Variants in SAMTOR observed in about 807,000 individuals in gnomAD.
The protein encoded by SAMTOR is S-adenosylmethionine sensor upstream of mTORC1.
the SAMTOR span, among the ~76,000 whole-genome samples, chr7:112,878,000 T>C: frequency 2.6e-5 from 4 of 152,068 alleles, no homozygotes; most frequent in Admixed American, 2.6e-4. Flanking sequence ...AATTATCCGG[T>C]CTCAGGTTAT....
the SAMTOR span, chr7:112,939,756 A>AGCC: frequency 0.01 from 16,624 of 1,586,086 alleles, 97 homozygotes; most frequent in Non-Finnish European, 0.012. Context: ...TCCATATCGC[A>AGCC]GCCGCCGCCG....
chr7:112,908,522 A>G, the SAMTOR span, among the ~76,000 whole-genome samples: 3 of 152,110 alleles, frequency 2.0e-5, no homozygotes, highest in Non-Finnish European at 2.9e-5. Context: ...TATACACACA[A>G]ACAGACACAT....
the SAMTOR span, among the ~76,000 whole-genome samples, chr7:112,834,675 C>A: frequency 6.6e-6 from 1 of 152,142 alleles, no homozygotes; most frequent in East Asian, 1.9e-4. Context: ...AACAGGATAT[C>A]TTATGATCCT....
the SAMTOR span, among the ~76,000 whole-genome samples, chr7:112,863,072 TA>T: frequency 2.6e-5 from 4 of 152,036 alleles, no homozygotes; most frequent in South Asian, 2.1e-4. Flanking sequence ...GGCACTGGTT[TA>T]AAAAAATACA....
the SAMTOR span, among the ~76,000 whole-genome samples, chr7:112,899,835 C>T: frequency 6.9e-6 from 1 of 145,548 alleles, no homozygotes; most frequent in East Asian, 2.0e-4. Context: ...AATACTGTAC[C>T]CCGCAAAGCT....
the SAMTOR span, among the ~76,000 whole-genome samples, chr7:112,904,640 G>GA: frequency 1.3e-5 from 2 of 152,074 alleles, no homozygotes; most frequent in African/African-American, 4.8e-5. Context: ...TGAAGCAAAA[G>GA]AAAGGAAGAG....
the SAMTOR span, among the ~76,000 whole-genome samples, chr7:112,933,225 A>T: frequency 6.6e-6 from 1 of 152,246 alleles, no homozygotes; most frequent in Non-Finnish European, 1.5e-5. Context: ...ATAAAACAGC[A>T]AAGTCTCCAC....
the SAMTOR span, among the ~76,000 whole-genome samples, chr7:112,915,113 C>T: frequency 6.6e-6 from 1 of 151,912 alleles, no homozygotes; most frequent in Non-Finnish European, 1.5e-5. Context: ...TGGTGGGTGC[C>T]TATAATCCCA....
the SAMTOR span, among the ~76,000 whole-genome samples, chr7:112,835,285 A>G: frequency 5.4e-3 from 816 of 152,126 alleles, 5 homozygotes; most frequent in African/African-American, 0.018. Flanking sequence ...TTTGTGTTTC[A>G]TCCTCTCCTA....
At chr7:112,828,846 A>G in the SAMTOR span, among the ~76,000 whole-genome samples, 4 of 152,166 alleles carry the variant, frequency 2.6e-5, no homozygotes. Flanking sequence ...TTTCATCTTC[A>G]TTTTTGAAAG....
chr7:112,885,750 T>C, the SAMTOR span, among the ~76,000 whole-genome samples: 1 of 152,190 alleles, frequency 6.6e-6, no homozygotes, highest in Admixed American at 6.5e-5. Flanking sequence ...TCCCACATTT[T>C]ACTGTCTTCT....
the SAMTOR span, among the ~76,000 whole-genome samples, chr7:112,866,864 C>G: frequency 6.6e-6 from 1 of 152,312 alleles, no homozygotes; most frequent in East Asian, 1.9e-4. Context: ...CCCTGCTTTT[C>G]TTACCTGCTT....
At chr7:112,843,291 G>A in the SAMTOR span, among the ~76,000 whole-genome samples, 1 of 151,782 alleles carries the variant, frequency 6.6e-6, no homozygotes, top group Admixed American at 6.6e-5. Context: ...ACTATTACAA[G>A]AAAAACAAAG....
the SAMTOR span, among the ~76,000 whole-genome samples, chr7:112,862,233 C>T: frequency 2.6e-5 from 4 of 152,032 alleles, no homozygotes; most frequent in East Asian, 1.9e-4. Flanking sequence ...CCAGCCTGGG[C>T]GACAGGAATG....
chr7:112,857,602 T>C, the SAMTOR span, among the ~76,000 whole-genome samples: 1 of 152,136 alleles, frequency 6.6e-6, no homozygotes, highest in East Asian at 1.9e-4. Flanking sequence ...CACACACCAG[T>C]GACAAAATGA....
At chr7:112,854,592 T>C in the SAMTOR span, among the ~76,000 whole-genome samples, 3 of 152,192 alleles carry the variant, frequency 2.0e-5, no homozygotes, top group Admixed American at 6.5e-5. Context: ...GGTCAATGAA[T>C]GTAGGAAATG....
chr7:112,897,910 T>A, the SAMTOR span, among the ~76,000 whole-genome samples: 1 of 152,168 alleles, frequency 6.6e-6, no homozygotes, highest in Non-Finnish European at 1.5e-5. Context: ...TTGAAGATGA[T>A]AGGAACTCCA....
chr7:112,834,162 G>A, the SAMTOR span, among the ~76,000 whole-genome samples: 1 of 151,994 alleles, frequency 6.6e-6, no homozygotes, highest in South Asian at 2.1e-4. Flanking sequence ...TTATTAGCAT[G>A]GCATTAAGTC....
the SAMTOR span, among the ~76,000 whole-genome samples, chr7:112,883,907 T>C: frequency 6.6e-6 from 1 of 152,208 alleles, no homozygotes; most frequent in African/African-American, 2.4e-5. Context: ...ATGCTGCTGA[T>C]AAAGACATAC....
Sources: gnomAD v4.1 joint callset for allele counts (sites outside exome capture counted in the v4.1 genomes callset) on GRCh38, gnomAD v4.1.1 for gene constraint, MANE v1.5 for transcripts, NCBI Gene and HGNC (gene_info 2026-07-23, HGNC 2026-07-21) for gene names.